CALN1: variants seen among roughly 807,000 people sequenced by gnomAD.
CALN1 encodes calcium-binding protein 8.
CALN1 carries 17 observed loss-of-function variants against 30.6 expected under a neutral mutation model. The observed-to-expected ratio is 0.56, with a 90% CI of 0.38 to 0.83. CALN1 has a LOEUF of 0.83. CALN1 is among the 40% of genes least tolerant of loss of function. CALN1 has a pLI of 0.00. For missense variants in CALN1, 291 were observed against 354.9 expected, an observed-to-expected ratio of 0.82 and a Z score of 1.45; for synonymous variants, 156 against 131.4, an observed-to-expected ratio of 1.19 and a Z score of -1.28.
intron 4 of CALN1, among the ~76,000 whole-genome samples, chr7:72,028,180 C>T (rs577632530): frequency 3.3e-5 from 5 of 151,726 alleles, no homozygotes; most frequent in East Asian, 1.9e-4. Flanking sequence ...TCATAGTTTA[C>T]GAGATGTGGC....
chr7:71,877,009 CTTT>C (rs1457111015), intron 5 of CALN1, among the ~76,000 whole-genome samples: 24 of 151,980 alleles, frequency 1.6e-4, no homozygotes, highest in Admixed American at 1.3e-3. Flanking sequence ...ACCCTTGTTT[CTTT>C]GTTTTTGTTT....
chr7:72,011,989 A>C (rs940508164), intron 5 of CALN1, among the ~76,000 whole-genome samples: 1 of 152,194 alleles, frequency 6.6e-6, no homozygotes, highest in Admixed American at 6.5e-5. Flanking sequence ...TACAGTTCAC[A>C]TCATACCCTA....
intron 2 of CALN1, chr7:72,337,502 C>G (rs563126322): frequency 6.3e-6 from 1 of 158,284 alleles, no homozygotes; most frequent in Admixed American, 6.5e-5. Flanking sequence ...GCTTGGCAGA[C>G]GGTGCTCCTT....
chr7:71,942,599 T>A (rs532836748), intron 5 of CALN1: 18 of 152,616 alleles, frequency 1.2e-4, no homozygotes, highest in African/African-American at 4.3e-4. Flanking sequence ...TTAAAGCATT[T>A]GTGCTTCAAA....
chr7:71,971,666 C>T (rs993967872), intron 5 of CALN1, among the ~76,000 whole-genome samples: 1 of 151,512 alleles, frequency 6.6e-6, no homozygotes. Flanking sequence ...GAGAGGCCAA[C>T]GCAGGGGGAT....
At chr7:72,258,693 A>T (rs762890548) in intron 3 of CALN1, among the ~76,000 whole-genome samples, 1 of 152,134 alleles carries the variant, frequency 6.6e-6, no homozygotes, top group Non-Finnish European at 1.5e-5. Flanking sequence ...TGAGGTGGGC[A>T]GATCACCCAA....
chr7:72,212,180 G>T (rs368434478), intron 3 of CALN1, among the ~76,000 whole-genome samples: 3 of 151,836 alleles, frequency 2.0e-5, no homozygotes, highest in South Asian at 2.1e-4. Context: ...GAAACCCATC[G>T]CTACTAAAAA....
intron 2 of CALN1, among the ~76,000 whole-genome samples, chr7:72,332,050 A>T (rs1460642457): frequency 6.6e-6 from 1 of 152,304 alleles, no homozygotes; most frequent in Non-Finnish European, 1.5e-5. Context: ...TTATGGCTGC[A>T]TAGTATTCCA....
chr7:72,023,528 C>T (rs1800850779), intron 5 of CALN1, 129 bp downstream of exon 5: 1 of 539,156 alleles, frequency 1.9e-6, no homozygotes, highest in Non-Finnish European at 3.2e-6. Flanking sequence ...ATTCTTTGTT[C>T]TGGAACATAT....
chr7:72,188,085 G>A (rs1048839562), intron 3 of CALN1, among the ~76,000 whole-genome samples: 4 of 152,056 alleles, frequency 2.6e-5, no homozygotes, highest in Non-Finnish European at 4.4e-5. Flanking sequence ...AGAACTGAAC[G>A]TAAAACTACC....
intron 5 of CALN1, among the ~76,000 whole-genome samples, chr7:71,875,342 G>A (rs1792183659): frequency 6.6e-6 from 1 of 152,108 alleles, no homozygotes; most frequent in Non-Finnish European, 1.5e-5. Context: ...CCAGATACCA[G>A]GGATCAGTTT....
chr7:71,952,206 A>G (rs114204081), intron 5 of CALN1, among the ~76,000 whole-genome samples: 3,254 of 152,302 alleles, frequency 0.021, 104 homozygotes, highest in African/African-American at 0.072. Context: ...TAAATTGAAG[A>G]TACCACAGGT....
At chr7:72,216,227 C>CA (rs1392511634) in intron 3 of CALN1, among the ~76,000 whole-genome samples, 1 of 151,826 alleles carries the variant, frequency 6.6e-6, no homozygotes, top group Non-Finnish European at 1.5e-5. Flanking sequence ...CCAGCTTGGG[C>CA]AATACAGTGA....
chr7:72,124,798 C>T (rs192933531), intron 3 of CALN1, among the ~76,000 whole-genome samples: 1 of 151,534 alleles, frequency 6.6e-6, no homozygotes, highest in East Asian at 1.9e-4. Context: ...ATGAACTGAC[C>T]TACAGCAGGC....
chr7:72,434,168 G>A (rs1264556374), intron 1 of CALN1, among the ~76,000 whole-genome samples: 1 of 151,832 alleles, frequency 6.6e-6, no homozygotes, highest in Non-Finnish European at 1.5e-5. Flanking sequence ...AGTGCTTAAA[G>A]TTAACAAATA....
intron 5 of CALN1, among the ~76,000 whole-genome samples, chr7:72,001,366 G>A (rs1038314033): frequency 1.3e-5 from 2 of 152,238 alleles, no homozygotes; most frequent in African/African-American, 4.8e-5. Flanking sequence ...AAGTGGCAGA[G>A]TTTAACAGGT....
chr7:72,482,180 G>A, the CALN1 span, among the ~76,000 whole-genome samples: 1 of 152,058 alleles, frequency 6.6e-6, no homozygotes, highest in African/African-American at 2.4e-5. Context: ...ACTTAGTCTG[G>A]TATTAATAGA....
intron 1 of CALN1, among the ~76,000 whole-genome samples, chr7:72,407,436 G>T (rs1191824942): frequency 6.6e-6 from 1 of 152,184 alleles, no homozygotes; most frequent in Non-Finnish European, 1.5e-5. Context: ...GATCACGGGG[G>T]TGTATTTTTC....
At chr7:72,447,552 A>C (rs146311394), upstream of CALN1, among the ~76,000 whole-genome samples, 101 of 152,264 alleles carry the variant, frequency 6.6e-4, no homozygotes, top group African/African-American at 2.3e-3. Flanking sequence ...TGCACGGGAC[A>C]CTGCCTGGGG....
Sources: allele counts gnomAD v4.1 joint callset (sites outside exome capture counted in the v4.1 genomes callset), GRCh38; gene constraint gnomAD v4.1.1; transcripts MANE v1.5; gene names NCBI Gene and HGNC (gene_info 2026-07-23, HGNC 2026-07-21).